Variants in XKR9 observed in about 807,000 individuals in gnomAD.
The protein encoded by XKR9 is XK-related protein 9.
Under a neutral mutation model 32.0 loss-of-function variants are expected in XKR9, and 32 were observed. That is an observed-to-expected ratio of 1.00 (90% CI 0.76 to 1.34). The LOEUF (loss-of-function observed/expected upper bound fraction) is 1.34, where lower values mean the gene tolerates loss of function less well. XKR9 is among the 40% of genes most tolerant of loss of function. The pLI is 0.00. For missense variants in XKR9, 546 were observed against 429.7 expected (o/e 1.27, Z -2.39); for synonymous variants, 168 against 143.4 (o/e 1.17, Z -1.22).
In XKR9 at chr8:70,776,947, C is replaced by CTCTCTCTCTATATATA; in HGVS notation, n.353-12391_353-12390insCTCTCTCTATATATAT. Reference sequence around the variant, plus strand: ...TTTCTCTCTCTCTCTCTCTCTCTCTCTATATATATATATATATGTATGTAT... The same window carrying CTCTCTCTCTATATATA: ...TTTCTCTCTCTCTCTCTCTCTCTCTCTCTCTCTCTATATATATATATATATATATATATGTATGTAT... On this transcript the variant is annotated intron_variant and non_coding_transcript_variant, in intron 2 of 3. Transcript: ENST00000520273. Among the ~76,000 whole-genome samples, 369 of 54,186 alleles carry CTCTCTCTCTATATATA rather than the reference C, an allele frequency of 6.8e-3. 5 individuals are homozygous for CTCTCTCTCTATATATA. The highest frequency in any genetic ancestry group is 0.018 in the East Asian group (43 of 2,450). The allele number at this position is 54,186 out of a possible 152,430, so 35.5% of individuals were successfully genotyped here. A position where few individuals can be genotyped will look rare whatever the true frequency, so the allele number is the denominator to read the frequency against.
At chr8:70,820,549 C>T in the XKR9 span, among the ~76,000 whole-genome samples, 1 of 152,146 alleles carries the variant, frequency 6.6e-6, no homozygotes. Context: ...AGTTCATTTT[C>T]TTACTGCTAT....
At chr8:70,682,182 A>G (rs565536914) in intron 3 of XKR9, among the ~76,000 whole-genome samples, 9 of 152,272 alleles carry the variant, frequency 5.9e-5, no homozygotes, top group East Asian at 1.9e-4. Flanking sequence ...TTAGAAGTCA[A>G]TTTTCAAACT....
At chr8:70,754,949 A>G (rs1391079866) in intron 2 of XKR9, among the ~76,000 whole-genome samples, 1 of 152,184 alleles carries the variant, frequency 6.6e-6, no homozygotes, top group Non-Finnish European at 1.5e-5. Context: ...TGCACAGCAA[A>G]AGAAACTACC....
chr8:70,870,407 G>T, the XKR9 span, among the ~76,000 whole-genome samples: 1 of 152,254 alleles, frequency 6.6e-6, no homozygotes, highest in South Asian at 2.1e-4. Flanking sequence ...GCACAGAAAA[G>T]ATTCAGATTG....
chr8:70,894,295 G>A, the XKR9 span, among the ~76,000 whole-genome samples: 2 of 151,694 alleles, frequency 1.3e-5, no homozygotes, highest in Non-Finnish European at 2.9e-5. Flanking sequence ...CTGTTGTTTG[G>A]GCCCTGGGGG....
chr8:70,817,472 A>G, the XKR9 span, among the ~76,000 whole-genome samples: 2 of 152,192 alleles, frequency 1.3e-5, no homozygotes, highest in Non-Finnish European at 2.9e-5. Context: ...GAAAGAAATC[A>G]CAGATAATAC....
the XKR9 span, among the ~76,000 whole-genome samples, chr8:71,035,592 G>T: frequency 2.0e-5 from 3 of 152,178 alleles, no homozygotes; most frequent in African/African-American, 7.2e-5. Flanking sequence ...GATAGTTTTT[G>T]AATTGAGCAC....
At chr8:71,036,976 A>G in the XKR9 span, among the ~76,000 whole-genome samples, 5 of 151,644 alleles carry the variant, frequency 3.3e-5, no homozygotes, top group Non-Finnish European at 5.9e-5. Context: ...GGCCTCCCAA[A>G]GTGCTGGGAT....
At chr8:70,701,241 C>G (rs1432620128) in intron 3 of XKR9, among the ~76,000 whole-genome samples, 2 of 152,190 alleles carry the variant, frequency 1.3e-5, no homozygotes, top group East Asian at 3.9e-4. Flanking sequence ...GAACACGGTA[C>G]CTCAGACGGA....
chr8:70,952,153 TACACACACACACAC>T, the XKR9 span, among the ~76,000 whole-genome samples: 19 of 148,214 alleles, frequency 1.3e-4, no homozygotes, highest in Admixed American at 8.1e-4. Flanking sequence ...AGAAAACCTT[TACACACACACACAC>T]ACACACACAC....
the XKR9 span, among the ~76,000 whole-genome samples, chr8:70,848,077 T>C: frequency 6.6e-6 from 1 of 152,048 alleles, no homozygotes; most frequent in Non-Finnish European, 1.5e-5. Context: ...ACAAAATAAC[T>C]AGCAAACCAA....
the XKR9 span, among the ~76,000 whole-genome samples, chr8:70,977,875 T>C: frequency 0.029 from 4,364 of 152,294 alleles, 184 homozygotes; most frequent in African/African-American, 0.1. Context: ...AGTCTAATTC[T>C]CTTTGTAGGT....
chr8:70,829,612 T>C, the XKR9 span, among the ~76,000 whole-genome samples: 45 of 152,034 alleles, frequency 3.0e-4, no homozygotes, highest in African/African-American at 1.0e-3. Flanking sequence ...CCACACCCGG[T>C]TAATTTTTTG....
At chr8:70,912,872 A>G in the XKR9 span, among the ~76,000 whole-genome samples, 48,315 of 152,056 alleles carry the variant, frequency 0.32, 9,005 homozygotes, top group Non-Finnish European at 0.43. Flanking sequence ...AGTCTACTAC[A>G]TCTTCTGAAA....
At chr8:70,876,676 C>T in the XKR9 span, among the ~76,000 whole-genome samples, 1 of 152,072 alleles carries the variant, frequency 6.6e-6, no homozygotes, top group Non-Finnish European at 1.5e-5. Context: ...AGTAAAATGA[C>T]ATTTAGTAAA....
downstream of XKR9, among the ~76,000 whole-genome samples, chr8:70,740,847 C>T (rs1806959737): frequency 2.0e-5 from 3 of 152,212 alleles, no homozygotes; most frequent in Admixed American, 2.0e-4. Context: ...AGAGGAGTAC[C>T]TGGCCGTGTG....
the XKR9 span, among the ~76,000 whole-genome samples, chr8:70,904,761 G>T: frequency 3.3e-5 from 5 of 152,170 alleles, no homozygotes; most frequent in African/African-American, 1.2e-4. Context: ...GCTGGTACTG[G>T]TTGTTCCTTT....
intron 4 of XKR9, among the ~76,000 whole-genome samples, chr8:70,729,367 C>T (rs961332374): frequency 2.0e-5 from 3 of 152,138 alleles, no homozygotes; most frequent in African/African-American, 7.2e-5. Flanking sequence ...AAAGGATCAG[C>T]AGTGTTTTAT....
chr8:70,978,653 T>C, the XKR9 span, among the ~76,000 whole-genome samples: 5 of 152,224 alleles, frequency 3.3e-5, no homozygotes, highest in Non-Finnish European at 7.3e-5. Flanking sequence ...CCTTTCTCTC[T>C]GGCTGCCCTT....
Sources: allele counts gnomAD v4.1 joint callset (sites outside exome capture counted in the v4.1 genomes callset), GRCh38; gene constraint gnomAD v4.1.1; transcripts MANE v1.5; gene names NCBI Gene and HGNC (gene_info 2026-07-23, HGNC 2026-07-21).